The following MME variants were observed in gnomAD, a reference collection of about 807,000 sequenced individuals.
MME encodes membrane metalloendopeptidase.
Under a neutral mutation model 113.2 loss-of-function variants are expected in MME, and 98 were observed. The observed-to-expected ratio is 0.87, with a 90% CI of 0.74 to 1.02. The LOEUF (loss-of-function observed/expected upper bound fraction) is 1.02. MME is among the 50% of genes least tolerant of loss of function. MME has a pLI of 0.00. For missense variants in MME, 836 were observed against 896.0 expected, an observed-to-expected ratio of 0.93 and a Z score of 0.86; for synonymous variants, 292 against 300.6, an observed-to-expected ratio of 0.97 and a Z score of 0.30.
intron 4 of MME, among the ~76,000 whole-genome samples, chr3:155,115,458 T>C (rs1036878614): frequency 6.6e-6 from 1 of 152,170 alleles, no homozygotes; most frequent in African/African-American, 2.4e-5. Flanking sequence ...GATGGAGTTT[T>C]GCTCTTGTCA....
At chr3:155,047,541 A>T (rs1054465448) in intron 1 of MME, among the ~76,000 whole-genome samples, 1 of 152,204 alleles carries the variant, frequency 6.6e-6, no homozygotes, top group Admixed American at 6.5e-5. Context: ...TTAAAAAGAC[A>T]AGTCTCTACA....
chr3:155,052,008 G>A (rs981354827), intron 1 of MME, among the ~76,000 whole-genome samples: 7 of 152,102 alleles, frequency 4.6e-5, no homozygotes, highest in African/African-American at 1.7e-4. Flanking sequence ...AAAACAAAGG[G>A]GTTATACGCC....
chr3:155,035,640 AG>A (rs1713104267), intron 1 of MME, among the ~76,000 whole-genome samples: 1 of 151,192 alleles, frequency 6.6e-6, no homozygotes, highest in African/African-American at 2.4e-5. Context: ...TATGGGGGGC[AG>A]GTACCCAGTT....
chr3:155,116,607 T>TATATATATAC, intron 5 of MME, 48 bp downstream of exon 5: 1 of 1,443,134 alleles, frequency 6.9e-7, no homozygotes, highest in Non-Finnish European at 9.7e-7. Context: ...TATATATATA[T>TATATATATAC]TGGTGCCAAA....
chr3:155,142,041 T>G lies in MME; in HGVS notation c.1008T>G (p.Ile336Met). 3 of 1,613,588 alleles carry G rather than the reference T, an allele frequency of 1.9e-6. No homozygotes were observed. The highest frequency in any genetic ancestry group is 1.1e-5 in the South Asian group (1 of 91,074). The change falls in exon 11 of 23, where the codon ATT becomes ATG. Residue 336 changes from isoleucine (I) to methionine (M), a missense_variant. Ile to Met is a conservative substitution (Grantham distance 10, BLOSUM62 1). Transcript: ENST00000360490. The stretch of plus-strand genomic sequence containing the variant: ...ATGAAATCATGTCAACTGTGAATAT[T>G]AGTATTACAAATGAGGAAGATGTGG... ...FTNEIMSTVNISITNEEDVVV... is the reference protein window; with the variant it reads ...FTNEIMSTVNMSITNEEDVVV...
intron 10 of MME, among the ~76,000 whole-genome samples, 174 bp downstream of exon 10, chr3:155,140,466 G>C (rs1237569313): frequency 7.1e-6 from 1 of 141,158 alleles, no homozygotes; most frequent in Non-Finnish European, 1.5e-5. Flanking sequence ...GCCCAGGCTG[G>C]AGTACAGTGA....
chr3:155,073,328 G>A (rs1386594259), intron 1 of MME, among the ~76,000 whole-genome samples: 2 of 152,168 alleles, frequency 1.3e-5, no homozygotes, highest in Admixed American at 1.3e-4. Flanking sequence ...CACAGGAGAT[G>A]TGCAGTCTCA....
chr3:155,049,583 A>G (rs1713683847), intron 1 of MME, among the ~76,000 whole-genome samples: 1 of 152,166 alleles, frequency 6.6e-6, no homozygotes, highest in Non-Finnish European at 1.5e-5. Context: ...GAGGGCTCAG[A>G]TAGAATTAAG....
At chr3:155,113,927 G>C (rs1410590880) in intron 3 of MME, among the ~76,000 whole-genome samples, 1 of 152,124 alleles carries the variant, frequency 6.6e-6, no homozygotes, top group Non-Finnish European at 1.5e-5. Flanking sequence ...TGAGGTTCCA[G>C]ACAAGCAAAC....
chr3:155,142,105 A>G lies in MME; in HGVS notation c.1072A>G (p.Ile358Val), dbSNP rs1218024315. The G allele has an allele frequency of 6.2e-7, 1 of 1,613,866 alleles. No homozygotes were observed. Among genetic ancestry groups the G allele is most frequent in the South Asian group, 1.1e-5 (1 of 91,084 alleles). ...APEYLTKLKP[I>V]LTKYSARDLQ... is the part of the protein sequence containing the mutation. ...AGAATATTTAACCAAACTTAAGCCC[A>G]TTCTTACCAAATATTCTGCCAGGTA... Residue 358 changes from isoleucine to valine, a missense_variant, in exon 11 of 23, where the codon ATT (isoleucine) becomes GTT (valine). Coordinates refer to ENST00000360490, the MANE Select transcript of MME (RefSeq NM_007289.4).
At chr3:155,149,001 T>C (rs1318115734) in intron 16 of MME, among the ~76,000 whole-genome samples, 8 of 152,234 alleles carry the variant, frequency 5.3e-5, no homozygotes, top group African/African-American at 1.9e-4. Context: ...TAGGCCTTAC[T>C]CTGTGTCCAG....
intron 7 of MME, among the ~76,000 whole-genome samples, chr3:155,118,472 A>T (rs1718810114): frequency 6.6e-6 from 1 of 152,226 alleles, no homozygotes; most frequent in Non-Finnish European, 1.5e-5. Flanking sequence ...GCTCTGCATT[A>T]AAAATCCCTC....
intron 1 of MME, among the ~76,000 whole-genome samples, chr3:155,062,868 T>G (rs896274996): frequency 6.6e-6 from 1 of 151,088 alleles, no homozygotes; most frequent in African/African-American, 2.4e-5. Context: ...AAACCCTGTC[T>G]CTACTAAAAA....
intron 8 of MME, among the ~76,000 whole-genome samples, chr3:155,129,378 A>T (rs747952322): frequency 6.6e-6 from 1 of 152,134 alleles, no homozygotes; most frequent in African/African-American, 2.4e-5. Context: ...GGTCATCCAG[A>T]GGTATCATCT....
rs755335510 is a variant in MME at position 155,142,131 on chromosome 3, G to A, written c.1094+4G>A. 8.7e-6 allele frequency: 14 copies of A among 1,613,758 alleles called. No homozygotes were observed. Among genetic ancestry groups the A allele is most frequent in the African/African-American group, 1.3e-5 (1 of 75,000 alleles). On this transcript the variant is annotated splice_donor_region_variant and intron_variant, in intron 11 of 22. Transcript: ENST00000360490. Reference sequence around the variant, plus strand: ...TTCTTACCAAATATTCTGCCAGGTAGGTATGTCACAGTCCCCATGTCCTCA... The same window carrying A: ...TTCTTACCAAATATTCTGCCAGGTAAGTATGTCACAGTCCCCATGTCCTCA...
intron 1 of MME, among the ~76,000 whole-genome samples, chr3:155,025,311 G>A (rs531472104): frequency 6.6e-6 from 1 of 152,246 alleles, no homozygotes; most frequent in South Asian, 2.1e-4. Context: ...GTGTCAGGGT[G>A]CACAGTAAAT....
intron 3 of MME, among the ~76,000 whole-genome samples, chr3:155,109,759 T>A (rs1302683294): frequency 1.3e-5 from 2 of 152,228 alleles, no homozygotes; most frequent in Non-Finnish European, 2.9e-5. Flanking sequence ...TCCGTGTGTC[T>A]AAAAGGCTTC....
rs1468045985 is a variant in MME, at chr3:155,172,588, A to T, written c.2129A>T (p.Asp710Val). The change falls in exon 22 of 23, where the codon GAT (aspartate) becomes GTT (valine). Residue 710 changes from aspartate to valine, a missense_variant. Transcript: ENST00000360490. ...PEYAVNSIKT[D>V]VHSPGNFRII... Reference sequence around the variant, plus strand: ...TATGCGGTTAACTCCATTAAAACAGATGTGCACAGTCCAGGCAATTTCAGG... The same window carrying T: ...TATGCGGTTAACTCCATTAAAACAGTTGTGCACAGTCCAGGCAATTTCAGG... The T allele has an allele frequency of 1.9e-6, 3 of 1,612,994 alleles. No homozygotes were observed. In the Admixed American group the frequency reaches 5.0e-5, roughly 27 times the overall value.
At chr3:155,088,664 C>G (rs932424574) in intron 3 of MME, among the ~76,000 whole-genome samples, 1 of 100,288 alleles carries the variant, frequency 1.0e-5, no homozygotes. Context: ...GCCTGGGCAA[C>G]AAGACTGAAA....
Sources: allele counts gnomAD v4.1 joint callset (sites outside exome capture counted in the v4.1 genomes callset), GRCh38; gene constraint gnomAD v4.1.1; transcripts MANE v1.5; gene names NCBI Gene and HGNC (gene_info 2026-07-23, HGNC 2026-07-21).